Variants in MYO3B observed in about 807,000 individuals in gnomAD.
The protein encoded by MYO3B is myosin IIIB, also known as myosin-IIIb.
Under a neutral mutation model 174.6 loss-of-function variants are expected in MYO3B, and 156 were observed. That is an observed-to-expected ratio of 0.89 (90% CI 0.78 to 1.02). The LOEUF (loss-of-function observed/expected upper bound fraction) is 1.02. MYO3B is among the 50% of genes least tolerant of loss of function. The probability of loss-of-function intolerance (pLI) is 0.00; values close to 1 mark genes in which losing one functional copy is unlikely to be tolerated. For synonymous variants in MYO3B, 563 were observed against 569.1 expected (o/e 0.99, Z 0.15); for missense variants, 1,632 against 1,639.4 (o/e 1.00, Z 0.08).
At chr2:170,519,908 G>T (rs1424940987) in intron 30 of MYO3B, 1 of 173,408 alleles carries the variant, frequency 5.8e-6, no homozygotes, top group African/African-American at 2.4e-5. Context: ...TGGAGGTGGA[G>T]GTTGCAGTGA....
rs939188556 is a variant in MYO3B at position 170,386,384 on chromosome 2, A to T, written c.1374+112A>T. 6.3e-5 allele frequency: 52 copies of T among 824,602 alleles called. 1 individual carries two copies. The Admixed American group carries it at 1.3e-3, about 21-fold the overall frequency. The allele number at this position is 824,602 out of a possible 1,614,324, so 51.1% of individuals were successfully genotyped here. A position where few individuals can be genotyped will look rare whatever the true frequency, so the allele number is the denominator to read the frequency against. ...TTTTTATTAAGGCTTACATAAAGAC[A>T]TTCCATCTTTGCTACGTTTGCCTCC... On this transcript the variant is annotated intron_variant, in intron 13 of 34. Coordinates refer to ENST00000408978, the MANE Select transcript of MYO3B (RefSeq NM_138995.5).
intron 7 of MYO3B, among the ~76,000 whole-genome samples, chr2:170,323,909 C>A (rs1574785823): frequency 6.6e-6 from 1 of 152,266 alleles, no homozygotes; most frequent in East Asian, 1.9e-4. Context: ...CAGGGGGAGA[C>A]CCATGAATCA....
chr2:170,567,816 T>A (rs983487152), intron 32 of MYO3B, among the ~76,000 whole-genome samples: 1 of 152,216 alleles, frequency 6.6e-6, no homozygotes, highest in African/African-American at 2.4e-5. Flanking sequence ...CTGAAAAGTT[T>A]GATGAAATTT....
chr2:170,253,627 C>A (rs537842178), intron 7 of MYO3B, among the ~76,000 whole-genome samples: 2 of 151,828 alleles, frequency 1.3e-5, no homozygotes, highest in African/African-American at 4.8e-5. Context: ...GTAAAGAAGA[C>A]GAGAGCTCCT....
rs1457441505 is a variant in MYO3B, at chr2:170,558,302, CCAA to C, written c.3733+14315_3733+14317del. Among the ~76,000 whole-genome samples, 472 of 146,970 alleles carry C rather than the reference CCAA, an allele frequency of 3.2e-3. 1 individual carries two copies. The highest frequency in any genetic ancestry group is 0.011 in the African/African-American group (427 of 40,034). The stretch of plus-strand genomic sequence containing the variant: ...GTACAGACAGAGTGAGACTCTGTCT[CCAA>C]AAAAAAAAAAATGCTTAAAACGAAA... On this transcript the variant is annotated intron_variant, in intron 32 of 34. Coordinates refer to ENST00000408978, the MANE Select transcript of MYO3B (RefSeq NM_138995.5).
chr2:170,293,112 C>T (rs2093606683), intron 7 of MYO3B, among the ~76,000 whole-genome samples: 1 of 152,040 alleles, frequency 6.6e-6, no homozygotes, highest in Non-Finnish European at 1.5e-5. Context: ...CTCTCTGTGG[C>T]CCCAGGATGC....
intron 3 of MYO3B, among the ~76,000 whole-genome samples, chr2:170,202,764 G>C (rs1302914906): frequency 1.3e-5 from 2 of 152,240 alleles, no homozygotes; most frequent in Middle Eastern, 3.4e-3. Context: ...TTTAAGGCAT[G>C]CTTTAGGGGA....
chr2:170,626,748 GACAGA>G (rs1559173584), intron 32 of MYO3B, among the ~76,000 whole-genome samples: 1 of 152,180 alleles, frequency 6.6e-6, no homozygotes, highest in East Asian at 1.9e-4. Flanking sequence ...GCCTGGTGGT[GACAGA>G]ATCTCTCAGC....
intron 32 of MYO3B, among the ~76,000 whole-genome samples, chr2:170,637,831 T>A (rs148537451): frequency 1.3e-5 from 2 of 152,322 alleles, no homozygotes; most frequent in African/African-American, 4.8e-5. Context: ...TTAAGAAATT[T>A]GTTCCAAAAT....
At chr2:170,398,862 A>C (rs1199191986) in intron 16 of MYO3B, among the ~76,000 whole-genome samples, 1 of 152,210 alleles carries the variant, frequency 6.6e-6, no homozygotes, top group African/African-American at 2.4e-5. Context: ...TGGGTTTCAC[A>C]TCTTGTGAAT....
intron 6 of MYO3B, among the ~76,000 whole-genome samples, chr2:170,220,283 C>T (rs1362042132): frequency 1.5e-5 from 2 of 129,368 alleles, no homozygotes; most frequent in African/African-American, 5.9e-5. Flanking sequence ...CAAAACAAAA[C>T]AATCAAAAAA....
At chr2:170,465,522 A>C (rs1360584273) in intron 24 of MYO3B, among the ~76,000 whole-genome samples, 1 of 152,166 alleles carries the variant, frequency 6.6e-6, no homozygotes, top group African/African-American at 2.4e-5. Flanking sequence ...TGAGATTTGG[A>C]GGAAACACAC....
intron 27 of MYO3B, among the ~76,000 whole-genome samples, chr2:170,500,505 G>A (rs925361095): frequency 6.6e-5 from 10 of 152,276 alleles, no homozygotes; most frequent in African/African-American, 2.2e-4. Context: ...TTCAGAGAAA[G>A]CCCTTCCCTG....
chr2:170,562,599 A>G (rs141596579), intron 32 of MYO3B, among the ~76,000 whole-genome samples: 4 of 152,208 alleles, frequency 2.6e-5, no homozygotes, highest in Admixed American at 6.5e-5. Context: ...GAGTCAAATC[A>G]TGCATGAATT....
chr2:170,356,581 C>T (rs569190979), intron 8 of MYO3B, among the ~76,000 whole-genome samples: 86 of 151,474 alleles, frequency 5.7e-4, no homozygotes, highest in African/African-American at 1.7e-3. Context: ...AGGCTGGTCT[C>T]GAACTCCTGA....
intron 28 of MYO3B, among the ~76,000 whole-genome samples, chr2:170,506,066 C>T (rs1357821977): frequency 1.3e-5 from 2 of 152,194 alleles, no homozygotes; most frequent in Non-Finnish European, 2.9e-5. Flanking sequence ...GGGGAGAGTG[C>T]TTTTCCCAGC....
intron 32 of MYO3B, among the ~76,000 whole-genome samples, chr2:170,550,934 T>C (rs2106224943): frequency 6.6e-6 from 1 of 152,334 alleles, no homozygotes; most frequent in Non-Finnish European, 1.5e-5. Flanking sequence ...AGTCTTGCTC[T>C]GTCACCCAGG....
intron 32 of MYO3B, among the ~76,000 whole-genome samples, chr2:170,575,375 T>C (rs1231551855): frequency 6.6e-6 from 1 of 152,172 alleles, no homozygotes; most frequent in Non-Finnish European, 1.5e-5. Flanking sequence ...AGAGAGTCAA[T>C]AGTTCAGGCT....
chr2:170,546,691 A>G (rs1467294309), intron 32 of MYO3B, among the ~76,000 whole-genome samples: 3 of 152,276 alleles, frequency 2.0e-5, no homozygotes, highest in Non-Finnish European at 4.4e-5. Flanking sequence ...CAGTTGTAGA[A>G]ACAAGAATAT....
Sources: gnomAD v4.1 joint callset for allele counts (sites outside exome capture counted in the v4.1 genomes callset) on GRCh38, gnomAD v4.1.1 for gene constraint, MANE v1.5 for transcripts, NCBI Gene and HGNC (gene_info 2026-07-23, HGNC 2026-07-21) for gene names.